UBN2: variants seen among roughly 807,000 people sequenced by gnomAD.
UBN2 encodes ubinuclein 2.
In UBN2, 35 loss-of-function variants were observed where a neutral mutation model predicts 120.2. That is an observed-to-expected ratio of 0.29 (90% CI 0.22 to 0.39). The LOEUF (loss-of-function observed/expected upper bound fraction) is 0.39, where lower values mean the gene tolerates loss of function less well. UBN2 is among the 10% of genes least tolerant of loss of function. The pLI, the probability that UBN2 is intolerant of heterozygous loss-of-function variation, is 1.00. For missense variants in UBN2, 1,693 were observed against 1,663.2 expected (o/e 1.02, Z -0.31); for synonymous variants, 661 against 648.7 (o/e 1.02, Z -0.29).
At chr7:139,318,049 C>G in the UBN2 span, among the ~76,000 whole-genome samples, 1 of 152,156 alleles carries the variant, frequency 6.6e-6, no homozygotes, top group African/African-American at 2.4e-5. Context: ...ACTGCTTGTT[C>G]CTCATTATCA....
chr7:139,323,558 T>TGATG, the UBN2 span, among the ~76,000 whole-genome samples: 315 of 41,002 alleles, frequency 7.7e-3, 1 homozygote, highest in African/African-American at 0.032. Flanking sequence ...TGGACCTGAT[T>TGATG]ATTATTATTA....
At chr7:139,288,390 G>A (rs1455744397) in intron 15 of UBN2, among the ~76,000 whole-genome samples, 1 of 152,122 alleles carries the variant, frequency 6.6e-6, no homozygotes, top group Non-Finnish European at 1.5e-5. Context: ...GAGAAGAGGG[G>A]GAAAATAGTT....
intron 15 of UBN2, among the ~76,000 whole-genome samples, chr7:139,288,779 G>T (rs567461441): frequency 6.6e-6 from 1 of 151,890 alleles, no homozygotes; most frequent in Non-Finnish European, 1.5e-5. Context: ...CGAGGTGAGC[G>T]GATCACGAGG....
At chr7:139,277,405 T>C (rs1797476562) in intron 12 of UBN2, 1 of 152,240 alleles carries the variant, frequency 6.6e-6, no homozygotes, top group Admixed American at 6.5e-5. Context: ...AAATAGTTCA[T>C]GAACACATTT....
intron 2 of UBN2, among the ~76,000 whole-genome samples, chr7:139,250,153 A>G (rs985569488): frequency 1.4e-4 from 22 of 152,166 alleles, no homozygotes; most frequent in African/African-American, 5.1e-4. Context: ...AGGTGGGAGG[A>G]TCGCTTGAGC....
intron 2 of UBN2, among the ~76,000 whole-genome samples, chr7:139,238,737 C>T (rs1289272456): frequency 1.3e-5 from 2 of 152,074 alleles, no homozygotes; most frequent in Admixed American, 1.3e-4. Context: ...TACAGTTTTC[C>T]TATCTATAAA....
At chr7:139,255,784 C>T (rs556417222) in intron 3 of UBN2, among the ~76,000 whole-genome samples, 6 of 151,930 alleles carry the variant, frequency 3.9e-5, no homozygotes, top group Non-Finnish European at 8.8e-5. Context: ...AAAATAAATA[C>T]CTGAAAATAA....
At chr7:139,273,028 C>T (rs920219829) in intron 9 of UBN2, among the ~76,000 whole-genome samples, 6 of 152,240 alleles carry the variant, frequency 3.9e-5, no homozygotes, top group Non-Finnish European at 8.8e-5. Flanking sequence ...AGAGATTTCA[C>T]AACCCCAGCT....
At chr7:139,248,136 A>G (rs1298044224) in intron 2 of UBN2, among the ~76,000 whole-genome samples, 2 of 152,216 alleles carry the variant, frequency 1.3e-5, no homozygotes, top group Non-Finnish European at 1.5e-5. Flanking sequence ...ATTGCTTTCT[A>G]TGGCATAAGT....
intron 3 of UBN2, 76 bp downstream of exon 3, chr7:139,252,133 T>G: frequency 8.5e-7 from 1 of 1,180,572 alleles, no homozygotes; most frequent in Non-Finnish European, 1.3e-6. Context: ...TAAAGTAACT[T>G]AAATAGTGCA....
intron 1 of UBN2, among the ~76,000 whole-genome samples, chr7:139,232,633 A>G (rs190610277): frequency 1.3e-3 from 200 of 152,068 alleles, no homozygotes; most frequent in Non-Finnish European, 1.3e-3. Context: ...TTTTTTGTGG[A>G]GTTCGTTCAT....
intron 1 of UBN2, among the ~76,000 whole-genome samples, chr7:139,232,367 C>G (rs1430885993): frequency 6.6e-6 from 1 of 152,190 alleles, no homozygotes; most frequent in Admixed American, 6.5e-5. Context: ...GGGGGACACG[C>G]CCCCCAGTCT....
chr7:139,319,048 T>C, the UBN2 span, among the ~76,000 whole-genome samples: 769 of 152,218 alleles, frequency 5.1e-3, 5 homozygotes, highest in Admixed American at 9.1e-3. Flanking sequence ...CCCAGCATTA[T>C]GCAAGAGTCT....
intron 7 of UBN2, among the ~76,000 whole-genome samples, chr7:139,268,562 T>C (rs1337010370): frequency 6.6e-6 from 1 of 152,178 alleles, no homozygotes; most frequent in African/African-American, 2.4e-5. Context: ...TCAATAAATA[T>C]ACAACATGCT....
At chr7:139,242,775 T>C (rs541133624) in intron 2 of UBN2, among the ~76,000 whole-genome samples, 8 of 152,324 alleles carry the variant, frequency 5.3e-5, no homozygotes, top group African/African-American at 1.9e-4. Flanking sequence ...GGTATCCATA[T>C]GTGGTGATTA....
intron 6 of UBN2, among the ~76,000 whole-genome samples, chr7:139,263,490 A>G (rs1005210146): frequency 6.6e-6 from 1 of 152,104 alleles, no homozygotes. Context: ...TGAAATAAAA[A>G]TGGTCAGGCA....
At chr7:139,239,333 C>T (rs1443027314) in intron 2 of UBN2, among the ~76,000 whole-genome samples, 1 of 151,950 alleles carries the variant, frequency 6.6e-6, no homozygotes, top group Non-Finnish European at 1.5e-5. Context: ...ACACTGTAAC[C>T]AGTCCCCAAA....
intron 1 of UBN2, among the ~76,000 whole-genome samples, chr7:139,234,512 C>T (rs574060521): frequency 6.6e-6 from 1 of 152,090 alleles, no homozygotes; most frequent in Non-Finnish European, 1.5e-5. Flanking sequence ...GTTAGCTAAA[C>T]CTTTAACCTT....
chr7:139,271,600 A>T (rs892164050), intron 8 of UBN2, among the ~76,000 whole-genome samples: 1 of 152,042 alleles, frequency 6.6e-6, no homozygotes, highest in Non-Finnish European at 1.5e-5. Context: ...AAAAAAAAAA[A>T]TTGTTTCAGT....
Sources: allele counts gnomAD v4.1 joint callset (sites outside exome capture counted in the v4.1 genomes callset), GRCh38; gene constraint gnomAD v4.1.1; transcripts MANE v1.5; gene names NCBI Gene and HGNC (gene_info 2026-07-23, HGNC 2026-07-21).